The following PMS2 variants were observed in gnomAD, a reference collection of about 807,000 sequenced individuals.
PMS2 encodes mismatch repair endonuclease PMS2.
Under a neutral mutation model 90.0 loss-of-function variants are expected in PMS2, and 69 were observed. The ratio of observed to expected loss-of-function variants is 0.77; its 90% CI spans 0.63 to 0.94. The LOEUF is 0.94. Among genes scored for constraint, PMS2 ranks in the 40% least tolerant of loss-of-function variants. The probability of loss-of-function intolerance (pLI) is 0.00; values close to 1 mark genes in which losing one functional copy is unlikely to be tolerated. For missense variants in PMS2, 966 were observed against 1,040.2 expected, an observed-to-expected ratio of 0.93 and a Z score of 0.98; for synonymous variants, 332 against 375.1, an observed-to-expected ratio of 0.89 and a Z score of 1.33.
intron 8 of PMS2, among the ~76,000 whole-genome samples, chr7:5,993,592 G>A (rs2128764162): frequency 6.6e-6 from 1 of 151,728 alleles, no homozygotes; most frequent in South Asian, 2.1e-4. Context: ...GCCGGGCGCG[G>A]TGGCTCATGC....
At chr7:5,990,522 T>G (rs973418783) in intron 9 of PMS2, among the ~76,000 whole-genome samples, 3 of 152,118 alleles carry the variant, frequency 2.0e-5, no homozygotes, top group African/African-American at 2.4e-5. Context: ...AATAAACACA[T>G]AAAAATAATT....
At chr7:6,000,558 A>C (rs1004096828) in intron 5 of PMS2, among the ~76,000 whole-genome samples, 16 of 152,210 alleles carry the variant, frequency 1.1e-4, no homozygotes, top group Admixed American at 6.5e-5. Flanking sequence ...ACAAACTGTA[A>C]ATAACAGTTA....
rs1060503141 is a variant in PMS2, at chr7:6,002,581, A to C, written c.409T>G (p.Phe137Val). Reference protein sequence around the residue: ...ASAKVGTRLMFDHNGKIIQKT... With the variant: ...ASAKVGTRLMVDHNGKIIQKT... ...TGGATAATTTTCCCATTGTGATCAAACATCAGTCGAGTTCCAACCTTCGCC... is the reference window on the plus strand; with the variant it reads ...TGGATAATTTTCCCATTGTGATCAACCATCAGTCGAGTTCCAACCTTCGCC... Residue 137 changes from phenylalanine (F) to valine (V), a missense_variant, in exon 5 of 15, where the codon TTT becomes GTT. Coordinates refer to ENST00000265849, the MANE Select transcript of PMS2 (RefSeq NM_000535.7). The C allele has an allele frequency of 6.2e-7, 1 of 1,611,924 alleles. No homozygotes were observed. Among genetic ancestry groups the C allele is most frequent in the Non-Finnish European group, 8.5e-7 (1 of 1,179,796 alleles).
chr7:6,009,066 G>GGGCT (rs1562712644), upstream of PMS2: 17 of 1,607,398 alleles, frequency 1.1e-5, no homozygotes, highest in Non-Finnish European at 1.4e-5. Flanking sequence ...GTTCCCTCCA[G>GGGCT]GGCTCCCACA....
intron 10 of PMS2, among the ~76,000 whole-genome samples, chr7:5,989,129 C>T (rs1418345989): frequency 1.3e-5 from 2 of 152,164 alleles, no homozygotes; most frequent in East Asian, 3.9e-4. Flanking sequence ...GGATTACAAG[C>T]ATGAGCCGCT....
intron 2 of PMS2, 47 bp from the exon 3 acceptor site, chr7:6,004,105 C>T (rs1785438830): frequency 1.9e-6 from 2 of 1,048,944 alleles, no homozygotes; most frequent in South Asian, 2.6e-5. Context: ...CGGACCCATG[C>T]TATCAGTTTT....
At chr7:6,006,981 G>C (rs963743526) in intron 1 of PMS2, among the ~76,000 whole-genome samples, 1 of 151,994 alleles carries the variant, frequency 6.6e-6, no homozygotes, top group African/African-American at 2.4e-5. Flanking sequence ...AAATTTACTA[G>C]TGCCCCACTT....
At chr7:5,991,496 T>C (rs1055894138) in intron 9 of PMS2, among the ~76,000 whole-genome samples, 32 of 150,906 alleles carry the variant, frequency 2.1e-4, no homozygotes, top group African/African-American at 7.1e-4. Flanking sequence ...TTCCTAACAA[T>C]ATAATTAACA....
intron 5 of PMS2, among the ~76,000 whole-genome samples, chr7:6,000,166 C>T (rs1004534331): frequency 2.0e-5 from 3 of 151,076 alleles, no homozygotes; most frequent in African/African-American, 7.3e-5. Context: ...CTTGAGCCCA[C>T]GAGTTCGAGA....
rs756883400 is a variant in PMS2 at position 5,987,497 on chromosome 7, G to T, written c.1268C>A (p.Ala423Asp). ...CTCTGTTGTGTGACGAAGAGAAAAGGCCTCTCGCAGTCTGGAAATGGACAC... is the reference window on the plus strand; with the variant it reads ...CTCTGTTGTGTGACGAAGAGAAAAGTCCTCTCGCAGTCTGGAAATGGACAC... ...KDVSISRLRE[A>D]FSLRHTTENK... The change falls in exon 11 of 15, where the codon GCC (alanine) becomes GAC (aspartate). Residue 423 changes from alanine (A) to aspartate (D), a missense_variant. Physicochemically the swap from Ala to Asp is moderately radical, Grantham distance 126. Around this residue, in one of 2 missense-constraint regions of PMS2, gnomAD observed 871 missense variants for 802.4 expected, o/e 1.09. Coordinates refer to ENST00000265849, the MANE Select transcript of PMS2 (RefSeq NM_000535.7). 1.2e-6 allele frequency: 2 copies of T among 1,614,150 alleles called. No homozygotes were observed. The highest frequency in any genetic ancestry group is 8.5e-7 in the Non-Finnish European group (1 of 1,180,014).
At chr7:5,993,817 T>C (rs943110263) in intron 8 of PMS2, among the ~76,000 whole-genome samples, 10 of 118,138 alleles carry the variant, frequency 8.5e-5, no homozygotes, top group East Asian at 5.4e-4. Context: ...GCAGAGATCA[T>C]GCCACTGCAC....
intron 6 of PMS2, among the ~76,000 whole-genome samples, chr7:5,998,450 T>C (rs1174336014): frequency 6.7e-6 from 1 of 149,876 alleles, no homozygotes; most frequent in African/African-American, 2.4e-5. Flanking sequence ...CCCAGCACTT[T>C]GGGAGGCCGA....
chr7:5,977,258 T>C (rs188558508), intron 14 of PMS2, among the ~76,000 whole-genome samples: 24,560 of 136,232 alleles, frequency 0.18, 1,160 homozygotes, highest in East Asian at 0.5. Flanking sequence ...GCTTTCACCA[T>C]GTTAGCCAGG....
intron 12 of PMS2, among the ~76,000 whole-genome samples, chr7:5,978,914 G>C (rs1782016419): frequency 6.7e-6 from 1 of 149,182 alleles, no homozygotes; most frequent in East Asian, 1.9e-4. Flanking sequence ...GTAGCTACAG[G>C]CCAGGTGCGG....
Position 5,995,771 on chromosome 7 carries a change from G to T in PMS2, c.804-138C>A, listed in dbSNP as rs1784331975. On this transcript the variant is annotated intron_variant, in intron 7 of 14. Coordinates refer to ENST00000265849, the MANE Select transcript of PMS2 (RefSeq NM_000535.7). ...GATAAGGATCACTATTGCAGTTCACGGGTATCTGTGCTCCAAATCTTGATG... is the reference window on the plus strand; with the variant it reads ...GATAAGGATCACTATTGCAGTTCACTGGTATCTGTGCTCCAAATCTTGATG... 4 of 703,200 alleles carry T rather than the reference G, an allele frequency of 5.7e-6. No homozygotes were observed. The South Asian group carries it at 6.1e-5, about 11-fold the overall frequency. 43.6% of individuals were successfully genotyped at this position (703,200 alleles called of 1,614,324 possible).
chr7:5,977,086 G>T (rs1429651581), intron 14 of PMS2, among the ~76,000 whole-genome samples: 2 of 149,420 alleles, frequency 1.3e-5, no homozygotes, highest in Non-Finnish European at 3.0e-5. Context: ...ACGGAGTCTC[G>T]CTCTGTCGCC....
chr7:5,991,451 T>C (rs1402047466), intron 9 of PMS2, among the ~76,000 whole-genome samples: 1 of 146,338 alleles, frequency 6.8e-6, no homozygotes, highest in Non-Finnish European at 1.5e-5. Context: ...TTTCATCTAC[T>C]TTCTCCCTTG....
chr7:5,979,387 T>A (rs2533067), intron 12 of PMS2, among the ~76,000 whole-genome samples: 7 of 145,152 alleles, frequency 4.8e-5, no homozygotes, highest in South Asian at 4.6e-4. Flanking sequence ...CAAGACTCTG[T>A]CTCAAAAAAA....
At chr7:6,006,337 A>G (rs1299964876) in intron 1 of PMS2, among the ~76,000 whole-genome samples, 1 of 152,148 alleles carries the variant, frequency 6.6e-6, no homozygotes, top group African/African-American at 2.4e-5. Context: ...CTTTGGCAAC[A>G]ATGGTGTCTT....
Sources: gnomAD v4.1 joint callset for allele counts (sites outside exome capture counted in the v4.1 genomes callset) on GRCh38, gnomAD v4.1.1 for gene constraint, gnomAD v4.1.1 regional missense constraint, MANE v1.5 for transcripts, NCBI Gene and HGNC (gene_info 2026-07-23, HGNC 2026-07-21) for gene names.